Variants in KIF2C observed in about 807,000 individuals in gnomAD.
KIF2C encodes kinesin family member 2C.
KIF2C carries 34 observed loss-of-function variants against 97.4 expected under a neutral mutation model. That is an observed-to-expected ratio of 0.35 (90% CI 0.27 to 0.46). KIF2C has a LOEUF of 0.46. KIF2C is among the 20% of genes least tolerant of loss of function. KIF2C has a pLI of 1.00. For synonymous variants in KIF2C, 313 were observed against 318.2 expected (o/e 0.98, Z 0.17); for missense variants, 750 against 907.6 (o/e 0.83, Z 2.23).
chr1:44,758,203 C>T, intron 13 of KIF2C, 63 bp downstream of exon 13: 1 of 1,495,892 alleles, frequency 6.7e-7, no homozygotes, highest in Admixed American at 1.7e-5. Context: ...AACCTTGAAG[C>T]TGGCTAGAAG....
At chr1:44,752,153 T>A (rs1573561081) in intron 5 of KIF2C, among the ~76,000 whole-genome samples, 4 of 143,012 alleles carry the variant, frequency 2.8e-5, no homozygotes, top group African/African-American at 7.8e-5. Flanking sequence ...TTTTTTTTTT[T>A]TTTGAGACAG....
At chr1:44,763,556 T>TA (rs879565105) in intron 19 of KIF2C, among the ~76,000 whole-genome samples, 4 of 152,168 alleles carry the variant, frequency 2.6e-5, no homozygotes, top group Non-Finnish European at 5.9e-5. Context: ...TAGAGTCTTC[T>TA]AGATGGTTCA....
rs1650000518 is a variant in KIF2C, at chr1:44,759,080, A to C, written c.1225-126A>C. 3.4e-6 allele frequency: 4 copies of C among 1,173,294 alleles called. No homozygotes were observed. The Admixed American group carries it at 7.7e-5, about 22-fold the overall frequency. 72.7% of individuals were successfully genotyped at this position (1,173,294 alleles called of 1,614,324 possible). On this transcript the variant is annotated intron_variant, in intron 13 of 20. Coordinates refer to ENST00000372224, the MANE Select transcript of KIF2C (RefSeq NM_006845.4). ...GACCTCTGCTAGGCTGACATCCATC[A>C]GTTCGTATTCTCTGCCTTTCCTGCT...
chr1:44,766,057 A>T (rs1650447779), intron 19 of KIF2C, among the ~76,000 whole-genome samples: 2 of 151,488 alleles, frequency 1.3e-5, no homozygotes, highest in East Asian at 3.9e-4. Flanking sequence ...TCTTAAAGAA[A>T]AAATAAATAA....
Position 44,760,865 on chromosome 1 carries a change from A to C in KIF2C, c.1683+163A>C. 3.2e-6 allele frequency: 2 copies of C among 617,662 alleles called. No individual in the cohort carries two copies. Among genetic ancestry groups the C allele is most frequent in the South Asian group, 1.9e-5 (1 of 52,442 alleles). 38.3% of individuals were successfully genotyped at this position (617,662 alleles called of 1,614,324 possible). ...TCCAGACCCTGCTTTAATGCACGAG[A>C]CTCCTTGTGGCCTAACCAAGCGTGG... On this transcript the variant is annotated intron_variant, in intron 16 of 20. Transcript: ENST00000372224. The surrounding 1 kb of genome is among the most constrained non-coding windows in gnomAD (Gnocchi z 4.2).
In KIF2C at chr1:44,741,202, G is replaced by GCGAA. The variant is rs537374092; in HGVS notation, c.165+196_165+199dup. ...GTTCGAGACCATCCTGGCCAACATG[G>GCGAA]CGAAACCTGTCTCTACTGAAAATAC... On this transcript the variant is annotated intron_variant, in intron 2 of 20. Transcript: ENST00000372224. Among the ~76,000 whole-genome samples the GCGAA allele has an allele frequency of 2.1e-4, 32 of 151,712 alleles. No individual in the cohort carries two copies. In the South Asian group the frequency reaches 6.7e-3, roughly 32 times the overall value.
rs367961589 is a variant in KIF2C, at chr1:44,755,251, C to T, written c.759+406C>T. ...GGGATTACAGGTGTAAGCTACTGTG[C>T]CTGGCTGAGGTTATTTTATTTTACT... On this transcript the variant is annotated intron_variant, in intron 8 of 20. Coordinates refer to ENST00000372224, the MANE Select transcript of KIF2C (RefSeq NM_006845.4). 3.9e-4 allele frequency among the ~76,000 whole-genome samples: 59 copies of T among 151,890 alleles called. No individual in the cohort carries two copies. In the East Asian group the frequency reaches 8.6e-3, roughly 22 times the overall value.
intron 11 of KIF2C, 99 bp downstream of exon 11, chr1:44,757,745 A>T: frequency 9.1e-7 from 1 of 1,093,270 alleles, no homozygotes; most frequent in Non-Finnish European, 1.4e-6. Context: ...GCCCCTTGTT[A>T]CAGATGCCCC....
chr1:44,754,295 G>GT (rs1649699602), intron 7 of KIF2C, among the ~76,000 whole-genome samples: 1 of 152,070 alleles, frequency 6.6e-6, no homozygotes, highest in Non-Finnish European at 1.5e-5. Context: ...ATTCAGAAAT[G>GT]TTTCTGAAGG....
Position 44,761,935 on chromosome 1 carries a change from G to T in KIF2C, c.1703G>T (p.Gly568Val). 1 of 1,614,152 alleles carries T rather than the reference G, an allele frequency of 6.2e-7. No homozygotes were observed. Among genetic ancestry groups the T allele is most frequent in the Non-Finnish European group, 8.5e-7 (1 of 1,180,012 alleles). ...RTCMIATISP[G>V]ISSCEYTLNT... Reference sequence around the variant, plus strand: ...TTGCAGATTGCCACGATCTCACCAGGCATAAGCTCCTGTGAATATACTTTA... The same window carrying T: ...TTGCAGATTGCCACGATCTCACCAGTCATAAGCTCCTGTGAATATACTTTA... Residue 568 changes from glycine (G) to valine (V), a missense_variant, in exon 17 of 21, where the codon GGC (glycine) becomes GTC (valine). Transcript: ENST00000372224.
rs745740831 is a variant in KIF2C at position 44,762,437 on chromosome 1, C to A, written c.1843C>A (p.Leu615Met). Residue 615 changes from leucine (L) to methionine (M), a missense_variant, in exon 18 of 21, where the codon CTG becomes ATG. Physicochemically the swap from Leu to Met is conservative, Grantham distance 15. Transcript: ENST00000372224. ...EEMEACSNGA[L>M]IPGNLSKEEE... ...GATGGAAGCCTGCTCTAACGGGGCG[C>A]TGATTCCAGGCAATGTAAGGACCAG... 6.2e-7 allele frequency: 1 copy of A among 1,614,082 alleles called. No individual in the cohort carries two copies. Among genetic ancestry groups the A allele is most frequent in the South Asian group, 1.1e-5 (1 of 91,066 alleles).
At chr1:44,759,474 C>T in intron 14 of KIF2C, 126 bp downstream of exon 14, 1 of 1,173,628 alleles carries the variant, frequency 8.5e-7, no homozygotes, top group Non-Finnish European at 1.2e-6. Flanking sequence ...GCTGCGAAGG[C>T]CTCTGCTTTA....
chr1:44,761,978 A>G lies in KIF2C; in HGVS notation c.1746A>G (p.Ala582=), dbSNP rs1280739524. The part of the protein sequence containing the change: ...CEYTLNTLRY[A]DRVKELSPHS... The stretch of plus-strand genomic sequence containing the variant: ...ATACTTTAAACACCCTGAGATATGC[A>G]GACAGGTACTAGTACCTACAGCTAG... Residue 582 remains alanine, a synonymous_variant, in exon 17 of 21, where the codon GCA becomes GCG. Transcript: ENST00000372224. 1 of 1,613,892 alleles carries G rather than the reference A, an allele frequency of 6.2e-7. No individual in the cohort carries two copies. Among genetic ancestry groups the G allele is most frequent in the Non-Finnish European group, 8.5e-7 (1 of 1,179,720 alleles).
intron 4 of KIF2C, among the ~76,000 whole-genome samples, chr1:44,747,948 C>T (rs1649304231): frequency 6.6e-6 from 1 of 152,236 alleles, no homozygotes; most frequent in Non-Finnish European, 1.5e-5. Context: ...AATCCAGAGC[C>T]TGATGCTGAG....
At position 44,760,873 on chromosome 1, in the gene KIF2C, T is replaced by TA. The variant is rs1483418992; in HGVS notation, c.1683+171_1683+172insA. On this transcript the variant is annotated intron_variant, in intron 16 of 20. Transcript: ENST00000372224. This position sits in a 1 kb window ranked among gnomAD's most constrained non-coding sequence, Gnocchi z 4.2. ...CTGCTTTAATGCACGAGACTCCTTG[T>TA]GGCCTAACCAAGCGTGGAGGAAAGG... The TA allele has an allele frequency of 1.6e-6, 1 of 607,834 alleles. No individual in the cohort carries two copies. Among genetic ancestry groups the TA allele is most frequent in the African/African-American group, 1.9e-5 (1 of 54,028 alleles). The allele number at this position is 607,834 out of a possible 1,614,324, so 37.7% of individuals were successfully genotyped here. A position where few individuals can be genotyped will look rare whatever the true frequency, so the allele number is the denominator to read the frequency against.
chr1:44,760,372 A>G lies in KIF2C; in HGVS notation c.1460A>G (p.Lys487Arg). ...ILRAKGRMHG[K>R]FSLVDLAGNE... ...CGAGCTAAAGGGAGAATGCATGGCA[A>G]GTTCTCTTTGGTAGATCTGGCAGGG... Residue 487 changes from lysine (K) to arginine (R), a missense_variant, in exon 15 of 21, where the codon AAG (lysine) becomes AGG (arginine). Transcript: ENST00000372224. The surrounding 1 kb of genome is among the most constrained non-coding windows in gnomAD (Gnocchi z 4.2). 2 of 1,614,240 alleles carry G rather than the reference A, an allele frequency of 1.2e-6. No individual in the cohort carries two copies. Among genetic ancestry groups the G allele is most frequent in the South Asian group, 1.1e-5 (1 of 91,086 alleles).
chr1:44,758,970 T>G, intron 13 of KIF2C: 1 of 528,982 alleles, frequency 1.9e-6, no homozygotes, highest in Non-Finnish European at 3.4e-6. Flanking sequence ...CTAGAGTGGT[T>G]ATTAACTTGC....
At chr1:44,747,167 G>T (rs1416252357) in intron 2 of KIF2C, among the ~76,000 whole-genome samples, 1 of 151,962 alleles carries the variant, frequency 6.6e-6, no homozygotes, top group African/African-American at 2.4e-5. Flanking sequence ...AATTAGCTGG[G>T]CGTGGTGGCG....
chr1:44,763,904 G>A (rs1650302685), intron 19 of KIF2C, among the ~76,000 whole-genome samples: 1 of 152,048 alleles, frequency 6.6e-6, no homozygotes, highest in Non-Finnish European at 1.5e-5. Flanking sequence ...ATGGTGGCGG[G>A]CGCCTGTAAT....
Sources: allele counts gnomAD v4.1 joint callset (sites outside exome capture counted in the v4.1 genomes callset), GRCh38; gene constraint gnomAD v4.1.1; non-coding constraint Gnocchi (gnomAD v3.1); transcripts MANE v1.5; gene names NCBI Gene and HGNC (gene_info 2026-07-23, HGNC 2026-07-21).